The following CNST variants were observed in gnomAD, a reference collection of about 807,000 sequenced individuals.
CNST encodes the protein consortin, connexin sorting protein, also known as consortin.
Under a neutral mutation model 72.4 loss-of-function variants are expected in CNST, and 39 were observed. That is an observed-to-expected ratio of 0.54 (90% CI 0.42 to 0.70). The LOEUF (loss-of-function observed/expected upper bound fraction) is 0.70, where lower values mean the gene tolerates loss of function less well. Among genes scored for constraint, CNST ranks in the 30% least tolerant of loss-of-function variants. The pLI is 0.00. For missense variants in CNST, 871 were observed against 868.5 expected (o/e 1.00, Z -0.04); for synonymous variants, 332 against 320.1 (o/e 1.04, Z -0.40).
At chr1:246,574,287 C>T (rs1177975782) in intron 1 of CNST, among the ~76,000 whole-genome samples, 3 of 152,216 alleles carry the variant, frequency 2.0e-5, no homozygotes, top group Admixed American at 6.5e-5. Flanking sequence ...GTGATCCGCC[C>T]GCCTCGGCCT....
chr1:246,653,861 G>A (rs1666626981), intron 9 of CNST, among the ~76,000 whole-genome samples: 2 of 152,094 alleles, frequency 1.3e-5, no homozygotes, highest in Non-Finnish European at 1.5e-5. Flanking sequence ...TATAAACTTG[G>A]GGTCTCAAAC....
At chr1:246,580,101 C>T (rs368170733) in intron 1 of CNST, among the ~76,000 whole-genome samples, 1 of 152,208 alleles carries the variant, frequency 6.6e-6, no homozygotes, top group Non-Finnish European at 1.5e-5. Flanking sequence ...TTACGAATGA[C>T]GGGGCTTATC....
At chr1:246,567,858 C>T (rs975624273) in intron 1 of CNST, among the ~76,000 whole-genome samples, 4 of 152,160 alleles carry the variant, frequency 2.6e-5, no homozygotes, top group African/African-American at 9.7e-5. Flanking sequence ...CCCCTCTCCC[C>T]TTAAAAAACA....
intron 1 of CNST, among the ~76,000 whole-genome samples, chr1:246,575,540 A>G (rs1254824971): frequency 6.6e-6 from 1 of 152,102 alleles, no homozygotes; most frequent in Non-Finnish European, 1.5e-5. Context: ...AAAGTACATG[A>G]GTGGTTTGAG....
intron 9 of CNST, among the ~76,000 whole-genome samples, chr1:246,655,853 G>A (rs34439865): frequency 0.14 from 20,690 of 152,148 alleles, 2,124 homozygotes; most frequent in East Asian, 0.45. Flanking sequence ...TTCTAAAAGA[G>A]AGTTGTGAAA....
intron 2 of CNST, among the ~76,000 whole-genome samples, chr1:246,602,793 C>G (rs932064548): frequency 6.6e-6 from 1 of 152,132 alleles, no homozygotes; most frequent in Non-Finnish European, 1.5e-5. Flanking sequence ...CAATTCTATT[C>G]ACAGTTCCTT....
chr1:246,586,518 A>C (rs1031052837), intron 1 of CNST, among the ~76,000 whole-genome samples: 1 of 150,300 alleles, frequency 6.7e-6, no homozygotes, highest in Admixed American at 6.7e-5. Context: ...ATATAAATAT[A>C]AGTACACCAC....
At chr1:246,584,771 C>T (rs763213072) in intron 1 of CNST, among the ~76,000 whole-genome samples, 1 of 152,166 alleles carries the variant, frequency 6.6e-6, no homozygotes, top group African/African-American at 2.4e-5. Context: ...TATATGCTCC[C>T]CAACTCCTTG....
intron 10 of CNST, among the ~76,000 whole-genome samples, chr1:246,665,396 A>T (rs1667346695): frequency 2.0e-5 from 3 of 152,290 alleles, no homozygotes; most frequent in African/African-American, 7.2e-5. Flanking sequence ...AAATGAATGA[A>T]TTCATTAATG....
intron 1 of CNST, among the ~76,000 whole-genome samples, chr1:246,575,146 G>A (rs796420921): frequency 6.6e-6 from 1 of 151,982 alleles, no homozygotes; most frequent in Non-Finnish European, 1.5e-5. Flanking sequence ...GGCACCCGCC[G>A]CCAAGCCTGG....
chr1:246,630,359 A>G (rs1047403809), intron 3 of CNST, among the ~76,000 whole-genome samples: 1 of 152,260 alleles, frequency 6.6e-6, no homozygotes, highest in Non-Finnish European at 1.5e-5. Context: ...TATTAGAACA[A>G]TAAGCTGGTA....
intron 1 of CNST, among the ~76,000 whole-genome samples, chr1:246,571,561 C>T (rs575219235): frequency 1.3e-5 from 2 of 152,298 alleles, no homozygotes; most frequent in South Asian, 2.1e-4. Context: ...TGTTTTTCAT[C>T]ATCATTAGCC....
intron 1 of CNST, among the ~76,000 whole-genome samples, chr1:246,584,639 C>T (rs552753885): frequency 7.9e-5 from 12 of 152,256 alleles, no homozygotes; most frequent in East Asian, 1.9e-4. Context: ...GAAACCAAGT[C>T]GAATGGAGAC....
At chr1:246,664,658 C>T (rs1323086293) in intron 10 of CNST, among the ~76,000 whole-genome samples, 2 of 151,922 alleles carry the variant, frequency 1.3e-5, no homozygotes, top group South Asian at 2.1e-4. Context: ...GATCTCCTGA[C>T]CTCGTGATCC....
chr1:246,576,480 A>C (rs181376325), intron 1 of CNST, among the ~76,000 whole-genome samples: 1 of 150,470 alleles, frequency 6.6e-6, no homozygotes, highest in East Asian at 2.0e-4. Flanking sequence ...GAAGCACATA[A>C]AAATTATGTT....
At chr1:246,605,479 A>G (rs1662665018) in intron 2 of CNST, among the ~76,000 whole-genome samples, 1 of 152,198 alleles carries the variant, frequency 6.6e-6, no homozygotes, top group Non-Finnish European at 1.5e-5. Flanking sequence ...GTGGAGCATC[A>G]CGCTGTTTTA....
intron 1 of CNST, chr1:246,569,824 T>C (rs1659955225): frequency 3.3e-6 from 1 of 302,118 alleles, no homozygotes; most frequent in Non-Finnish European, 4.9e-6. Flanking sequence ...TGGCGTGTCA[T>C]TGTTACTAGT....
At chr1:246,605,088 G>A (rs541978970) in intron 2 of CNST, among the ~76,000 whole-genome samples, 2 of 152,272 alleles carry the variant, frequency 1.3e-5, no homozygotes, top group Admixed American at 1.3e-4. Flanking sequence ...TTTCTTATAA[G>A]GTCATGTAAA....
intron 2 of CNST, among the ~76,000 whole-genome samples, chr1:246,601,624 A>G (rs142993596): frequency 0.013 from 1,931 of 151,766 alleles, 16 homozygotes; most frequent in Middle Eastern, 0.027. Flanking sequence ...GAGAAACCCC[A>G]TCTCTACTAA....
Sources: allele counts gnomAD v4.1 joint callset (sites outside exome capture counted in the v4.1 genomes callset), GRCh38; gene constraint gnomAD v4.1.1; transcripts MANE v1.5; gene names NCBI Gene and HGNC (gene_info 2026-07-23, HGNC 2026-07-21).